SLC33A2: variants seen among roughly 807,000 people sequenced by gnomAD.
SLC33A2 encodes solute carrier family 33 member 2.
the SLC33A2 span, chr8:144,509,988 G>C: frequency 1.3e-6 from 2 of 1,595,930 alleles, no homozygotes; most frequent in Non-Finnish European, 1.7e-6. Flanking sequence ...CGTGTGGACG[G>C]CAGGCTTTGT....
At chr8:144,509,460 G>A in the SLC33A2 span, 24 of 1,535,986 alleles carry the variant, frequency 1.6e-5, no homozygotes, top group Non-Finnish European at 2.0e-5. Context: ...CGTGGGGCTG[G>A]CCAAGGTTCT....
At chr8:144,510,538 C>T in the SLC33A2 span, 1 of 1,611,808 alleles carries the variant, frequency 6.2e-7, no homozygotes, top group Non-Finnish European at 8.5e-7. Flanking sequence ...CCTGCCCACC[C>T]ACTTGTACCT....
At chr8:144,510,177 C>T in the SLC33A2 span, 34 of 1,268,214 alleles carry the variant, frequency 2.7e-5, no homozygotes, top group Non-Finnish European at 3.4e-5. Flanking sequence ...GGCCTTGTGT[C>T]TTGTCCGCCC....
At chr8:144,510,793 G>C in the SLC33A2 span, 1 of 1,611,454 alleles carries the variant, frequency 6.2e-7, no homozygotes. Flanking sequence ...TGCCCTCCCA[G>C]GGTCAGCCTT....
At chr8:144,509,982 TGGACGGCA>T in the SLC33A2 span, 3 of 1,596,316 alleles carry the variant, frequency 1.9e-6, no homozygotes, top group Non-Finnish European at 2.5e-6. Context: ...GGGGACCGTG[TGGACGGCA>T]GGCTTTGTGC....
chr8:144,509,801 G>T, the SLC33A2 span: 1 of 1,545,242 alleles, frequency 6.5e-7, no homozygotes, highest in Non-Finnish European at 8.7e-7. Flanking sequence ...CGCTGCTGGC[G>T]CTGCTGCCCA....
the SLC33A2 span, chr8:144,510,257 G>C: frequency 2.0e-6 from 3 of 1,530,464 alleles, no homozygotes; most frequent in South Asian, 1.2e-5. Flanking sequence ...TGCAGCTCTG[G>C]AACACTGAGG....
chr8:144,510,554 GC>G, the SLC33A2 span: 1 of 1,610,648 alleles, frequency 6.2e-7, no homozygotes, highest in Non-Finnish European at 8.5e-7. Flanking sequence ...TACCTGAGCT[GC>G]CCCCAATCCA....
At chr8:144,510,128 C>T in the SLC33A2 span, 7 of 1,367,276 alleles carry the variant, frequency 5.1e-6, no homozygotes, top group East Asian at 7.5e-5. Flanking sequence ...GGGGTATGAC[C>T]TGCAAGACTT....
chr8:144,509,717 G>C, the SLC33A2 span: 1 of 1,568,016 alleles, frequency 6.4e-7, no homozygotes, highest in Non-Finnish European at 8.6e-7. Context: ...AGCTGCTGGA[G>C]CCGGCCGAAC....
the SLC33A2 span, chr8:144,509,509 T>G: frequency 6.5e-7 from 1 of 1,531,096 alleles, no homozygotes; most frequent in Non-Finnish European, 8.7e-7. Context: ...TGGGCCCCGC[T>G]GGTGGACGCG....
chr8:144,510,021 TGAGG>T, the SLC33A2 span: 2 of 1,590,952 alleles, frequency 1.3e-6, no homozygotes, highest in Non-Finnish European at 1.7e-6. Flanking sequence ...GCTGGGTGAG[TGAGG>T]CCTCGAGCCA....
the SLC33A2 span, chr8:144,509,340 G>C: frequency 7.5e-6 from 11 of 1,465,870 alleles, no homozygotes; most frequent in East Asian, 2.9e-4. Flanking sequence ...CGCCATGCGC[G>C]GGAAGTTGCT....
At chr8:144,511,132 T>C in the SLC33A2 span, 2 of 1,610,612 alleles carry the variant, frequency 1.2e-6, no homozygotes, top group African/African-American at 1.3e-5. Flanking sequence ...TCCCGTTCTG[T>C]ACCTGGACCT....
At chr8:144,509,475 G>A in the SLC33A2 span, 10 of 1,535,364 alleles carry the variant, frequency 6.5e-6, no homozygotes, top group African/African-American at 8.3e-5. Context: ...GGTTCTGTAC[G>A]CTCCGTGGCT....
At chr8:144,510,787 C>T in the SLC33A2 span, 2 of 1,611,386 alleles carry the variant, frequency 1.2e-6, no homozygotes, top group Non-Finnish European at 8.5e-7. Context: ...GACTTCTGCC[C>T]TCCCAGGGTC....
chr8:144,510,398 C>A, the SLC33A2 span: 3 of 1,612,770 alleles, frequency 1.9e-6, no homozygotes, highest in Non-Finnish European at 2.5e-6. Flanking sequence ...TCTTCTCCTG[C>A]TGGACCACGG....
chr8:144,511,122 T>C, the SLC33A2 span: 2 of 1,610,668 alleles, frequency 1.2e-6, no homozygotes, highest in East Asian at 4.5e-5. Context: ...TCTCTGCCTT[T>C]CCCGTTCTGT....
chr8:144,510,620 T>C, the SLC33A2 span: 1 of 1,575,294 alleles, frequency 6.3e-7, no homozygotes, highest in Non-Finnish European at 8.6e-7. Context: ...TCTGTTGAGG[T>C]CGGTGCTGCG....
Sources: gnomAD v4.1 joint callset for allele counts on GRCh38, gnomAD v4.1.1 for gene constraint, MANE v1.5 for transcripts, NCBI Gene and HGNC (gene_info 2026-07-23, HGNC 2026-07-21) for gene names.